NCAM1: variants seen among roughly 807,000 people sequenced by gnomAD.
NCAM1 encodes antigen recognized by monoclonal antibody 5.1H11.
In NCAM1, 14 loss-of-function variants were observed where a neutral mutation model predicts 109.8. The observed-to-expected ratio is 0.13, with a 90% CI of 0.08 to 0.20. The LOEUF (loss-of-function observed/expected upper bound fraction) is 0.20. NCAM1 is among the 10% of genes least tolerant of loss of function. NCAM1 has a pLI of 1.00. For missense variants in NCAM1, 774 were observed against 1,109.9 expected, an observed-to-expected ratio of 0.70 and a Z score of 4.30; for synonymous variants, 418 against 442.9, an observed-to-expected ratio of 0.94 and a Z score of 0.70.
chr11:113,141,738 G>A (rs985885398), intron 1 of NCAM1, among the ~76,000 whole-genome samples: 5 of 152,004 alleles, frequency 3.3e-5, no homozygotes, highest in African/African-American at 4.8e-5. Flanking sequence ...TTCCCACAAC[G>A]TAGTGAGCCG....
chr11:113,142,694 G>A (rs1054335396), intron 1 of NCAM1, among the ~76,000 whole-genome samples: 2 of 152,136 alleles, frequency 1.3e-5, no homozygotes, highest in African/African-American at 4.8e-5. Context: ...AATCATTTGA[G>A]GAAACAGAGC....
At chr11:113,010,554 G>A (rs554486288) in intron 1 of NCAM1, among the ~76,000 whole-genome samples, 1 of 152,136 alleles carries the variant, frequency 6.6e-6, no homozygotes, top group Non-Finnish European at 1.5e-5. Flanking sequence ...AACATCAGCT[G>A]TATCCCTGAA....
rs374252826 is a variant in NCAM1, at chr11:113,151,273, C to T, written c.53-51106C>T. Reference sequence around the variant, plus strand: ...GAAGTGTAAAGTCCAGATAGAAAATCTCTTGCAAAAGAGAGAATGAAGCTG... The same window carrying T: ...GAAGTGTAAAGTCCAGATAGAAAATTTCTTGCAAAAGAGAGAATGAAGCTG... On this transcript the variant is annotated intron_variant, in intron 1 of 19. Transcript: ENST00000316851. Among the ~76,000 whole-genome samples, 4 of 152,294 alleles carry T rather than the reference C, an allele frequency of 2.6e-5. No homozygotes were observed. The East Asian group carries it at 7.7e-4, about 29-fold the overall frequency.
chr11:113,176,377 TG>T (rs1354506692), intron 1 of NCAM1, among the ~76,000 whole-genome samples: 2 of 152,200 alleles, frequency 1.3e-5, no homozygotes, highest in African/African-American at 4.8e-5. Flanking sequence ...CTGCTTTGAT[TG>T]TGGTGAAGCA....
chr11:113,225,622 C>T (rs1389564242), intron 9 of NCAM1, among the ~76,000 whole-genome samples: 1 of 142,548 alleles, frequency 7.0e-6, no homozygotes, highest in Admixed American at 6.7e-5. Flanking sequence ...CTCCAAGACA[C>T]TTAATTGTCA....
intron 8 of NCAM1, among the ~76,000 whole-genome samples, chr11:113,220,094 G>A (rs1209731662): frequency 6.6e-6 from 1 of 152,128 alleles, no homozygotes; most frequent in Non-Finnish European, 1.5e-5. Flanking sequence ...GGGCAGTCTT[G>A]CCAGGTAATA....
intron 9 of NCAM1, among the ~76,000 whole-genome samples, chr11:113,224,824 G>T (rs1944791583): frequency 6.6e-6 from 1 of 152,204 alleles, no homozygotes; most frequent in African/African-American, 2.4e-5. Context: ...GGCAAACAGG[G>T]TCTGGAGTTG....
At chr11:113,024,062 T>A (rs1337794567) in intron 1 of NCAM1, among the ~76,000 whole-genome samples, 1 of 149,250 alleles carries the variant, frequency 6.7e-6, no homozygotes, top group African/African-American at 2.4e-5. Flanking sequence ...CTTTGGAGGG[T>A]TCCCTTGGGG....
At position 112,963,965 on chromosome 11, in the gene NCAM1, A is replaced by G. The variant is rs1950648000; in HGVS notation, c.52+2301A>G. On this transcript the variant is annotated intron_variant, in intron 1 of 19. Coordinates refer to ENST00000316851, the MANE Select transcript of NCAM1 (RefSeq NM_181351.5). This position sits in a 1 kb window ranked among gnomAD's most constrained non-coding sequence, Gnocchi z 4.6. ...TGAAACACATACAAGGTTGCTTAAC[A>G]AAAGAAAGAAGTTGAATGGTTTTCC... Among the ~76,000 whole-genome samples the G allele has an allele frequency of 6.6e-6, 1 of 152,198 alleles. No individual in the cohort carries two copies. Among genetic ancestry groups the G allele is most frequent in the Admixed American group, 6.5e-5 (1 of 15,284 alleles).
rs149975863 is a variant in NCAM1 at position 113,194,067 on chromosome 11, C to G, written c.53-8312C>G. Among the ~76,000 whole-genome samples the G allele has an allele frequency of 4.9e-3, 745 of 152,276 alleles. 10 individuals carry two copies. The highest frequency in any genetic ancestry group is 0.017 in the African/African-American group (701 of 41,562). ...TGATTTGAAGCCAGCCCCCATGGAA[C>G]AGAGCCAGTCCCCAATTATGCCGGA... On this transcript the variant is annotated intron_variant, in intron 1 of 19. Coordinates refer to ENST00000316851, the MANE Select transcript of NCAM1 (RefSeq NM_181351.5).
At chr11:113,189,371 A>G (rs557378025) in intron 1 of NCAM1, among the ~76,000 whole-genome samples, 1 of 150,392 alleles carries the variant, frequency 6.6e-6, no homozygotes, top group African/African-American at 2.5e-5. Flanking sequence ...AATCACTTGA[A>G]CCCAGGAGGC....
chr11:113,180,668 G>C (rs1473826790), intron 1 of NCAM1, among the ~76,000 whole-genome samples: 1 of 152,240 alleles, frequency 6.6e-6, no homozygotes, highest in African/African-American at 2.4e-5. Context: ...TGTACTTAGA[G>C]TAGAAAAAGT....
chr11:113,046,028 T>C (rs1335770155), intron 1 of NCAM1, among the ~76,000 whole-genome samples: 1 of 152,164 alleles, frequency 6.6e-6, no homozygotes, highest in African/African-American at 2.4e-5. Flanking sequence ...CTGTTCCCTT[T>C]AACAGCATTT....
chr11:113,030,065 A>T (rs1435081051), intron 1 of NCAM1, among the ~76,000 whole-genome samples: 3 of 47,634 alleles, frequency 6.3e-5, no homozygotes, highest in East Asian at 9.1e-3. Flanking sequence ...TTATTTGATA[A>T]AAAAAAGGGA....
At chr11:113,176,147 C>A (rs553253802) in intron 1 of NCAM1, among the ~76,000 whole-genome samples, 24 of 152,128 alleles carry the variant, frequency 1.6e-4, no homozygotes, top group Non-Finnish European at 2.9e-4. Flanking sequence ...GTTGAGAACA[C>A]CAAGCTGGGA....
chr11:113,226,426 T>G (rs565666736), intron 9 of NCAM1, among the ~76,000 whole-genome samples: 3 of 152,304 alleles, frequency 2.0e-5, no homozygotes, highest in African/African-American at 7.2e-5. Flanking sequence ...CCCGGATTCA[T>G]AAAGGAAGTC....
chr11:113,021,683 C>T (rs1329674405), intron 1 of NCAM1, among the ~76,000 whole-genome samples: 7 of 152,154 alleles, frequency 4.6e-5, no homozygotes, highest in Non-Finnish European at 1.0e-4. Context: ...AGCGATTTTC[C>T]CATTGTCATG....
chr11:113,193,726 A>G (rs76672027), intron 1 of NCAM1, among the ~76,000 whole-genome samples: 3,783 of 152,222 alleles, frequency 0.025, 97 homozygotes, highest in East Asian at 0.08. Flanking sequence ...AAATGAGAAA[A>G]GAGAACTGGG....
At chr11:113,069,629 G>T (rs1221732136) in intron 1 of NCAM1, among the ~76,000 whole-genome samples, 1 of 152,126 alleles carries the variant, frequency 6.6e-6, no homozygotes, top group African/African-American at 2.4e-5. Context: ...AGAGGCAGGT[G>T]CAAGTTTTTA....
Sources: allele counts gnomAD v4.1 joint callset (sites outside exome capture counted in the v4.1 genomes callset), GRCh38; gene constraint gnomAD v4.1.1; non-coding constraint Gnocchi (gnomAD v3.1); transcripts MANE v1.5; gene names NCBI Gene and HGNC (gene_info 2026-07-23, HGNC 2026-07-21).